Variants in MAGI1 observed in about 807,000 individuals in gnomAD.
MAGI1 encodes the protein membrane-associated guanylate kinase, WW and PDZ domain-containing protein 1.
In MAGI1, 58 loss-of-function variants were observed where a neutral mutation model predicts 139.9. The observed-to-expected ratio is 0.41, with a 90% CI of 0.34 to 0.52. The LOEUF is 0.52. Ranked by LOEUF, MAGI1 falls within the 20% of genes least tolerant of loss-of-function variation. The probability of loss-of-function intolerance (pLI) is 0.12; values close to 1 mark genes in which losing one functional copy is unlikely to be tolerated. For synonymous variants in MAGI1, 812 were observed against 737.9 expected (o/e 1.10, Z -1.63); for missense variants, 1,874 against 1,901.6 (o/e 0.99, Z 0.27).
chr3:65,659,465 A>ATT (rs2086069644), intron 1 of MAGI1, among the ~76,000 whole-genome samples: 1 of 152,116 alleles, frequency 6.6e-6, no homozygotes, highest in African/African-American at 2.4e-5. Flanking sequence ...ATACTAAACC[A>ATT]CACACTCACC....
intron 13 of MAGI1, among the ~76,000 whole-genome samples, 164 bp from the exon 14 acceptor site, chr3:65,391,522 TC>T (rs1211514729): frequency 5.9e-5 from 9 of 152,114 alleles, no homozygotes; most frequent in African/African-American, 2.2e-4. Flanking sequence ...TGTAGATAAA[TC>T]CCCAGGTGAC....
intron 2 of MAGI1, among the ~76,000 whole-genome samples, chr3:65,618,002 G>T (rs1311723086): frequency 6.6e-6 from 1 of 152,206 alleles, no homozygotes; most frequent in Non-Finnish European, 1.5e-5. Flanking sequence ...GCAGCTTGGG[G>T]AGTAGGGGGA....
chr3:65,394,000 G>A (rs1157342730), intron 13 of MAGI1, among the ~76,000 whole-genome samples: 1 of 152,074 alleles, frequency 6.6e-6, no homozygotes, highest in Non-Finnish European at 1.5e-5. Context: ...TAAAAGTACT[G>A]GACCTGTCTC....
intron 2 of MAGI1, among the ~76,000 whole-genome samples, chr3:65,528,255 T>C (rs1324967145): frequency 6.6e-6 from 1 of 152,238 alleles, no homozygotes; most frequent in East Asian, 1.9e-4. Context: ...CAAATTGATA[T>C]AACATTGCAA....
At chr3:65,712,138 A>G (rs1481936992) in intron 1 of MAGI1, among the ~76,000 whole-genome samples, 1 of 152,192 alleles carries the variant, frequency 6.6e-6, no homozygotes, top group Non-Finnish European at 1.5e-5. Flanking sequence ...GGTAGGGTCC[A>G]TGTGCCCTTC....
chr3:65,552,764 G>A (rs1442517893), intron 2 of MAGI1, among the ~76,000 whole-genome samples: 1 of 152,194 alleles, frequency 6.6e-6, no homozygotes. Context: ...ACAGAGGGAA[G>A]TTTAGGAAAT....
chr3:65,473,737 T>C (rs1176664225), intron 4 of MAGI1, among the ~76,000 whole-genome samples: 1 of 137,404 alleles, frequency 7.3e-6, no homozygotes, highest in African/African-American at 2.4e-5. Flanking sequence ...TAATTTTAAT[T>C]TCCTGGAGGA....
intron 1 of MAGI1, among the ~76,000 whole-genome samples, chr3:65,623,252 G>GGTTGTTGTTGTT (rs55663245): frequency 1.3e-5 from 2 of 151,752 alleles, no homozygotes; most frequent in South Asian, 2.1e-4. Flanking sequence ...GTTGCTTTTT[G>GGTTGTTGTTGTT]GTTGTTGTTG....
chr3:65,554,854 T>C (rs985724734), intron 2 of MAGI1, among the ~76,000 whole-genome samples: 15 of 152,314 alleles, frequency 9.8e-5, no homozygotes, highest in East Asian at 3.9e-4. Flanking sequence ...ACTGTCTCCA[T>C]TGGAGACATG....
At chr3:65,724,709 C>A (rs2033410898) in intron 1 of MAGI1, among the ~76,000 whole-genome samples, 1 of 152,146 alleles carries the variant, frequency 6.6e-6, no homozygotes, top group South Asian at 2.1e-4. Flanking sequence ...TTAAGCAAGA[C>A]TTGGGAGGCC....
At chr3:65,916,560 A>G (rs1335231469) in intron 1 of MAGI1, among the ~76,000 whole-genome samples, 2 of 152,132 alleles carry the variant, frequency 1.3e-5, no homozygotes, top group East Asian at 3.8e-4. Context: ...TTTCACTACC[A>G]CAAGAACAGA....
At chr3:65,449,518 T>C (rs918997005) in intron 6 of MAGI1, among the ~76,000 whole-genome samples, 2 of 152,154 alleles carry the variant, frequency 1.3e-5, no homozygotes, top group Non-Finnish European at 2.9e-5. Context: ...CTCATGCCTG[T>C]AATCCTAGCA....
At chr3:65,906,913 C>A (rs1410573228) in intron 1 of MAGI1, among the ~76,000 whole-genome samples, 3 of 151,508 alleles carry the variant, frequency 2.0e-5, no homozygotes, top group Non-Finnish European at 4.4e-5. Context: ...CTACAGACAT[C>A]CTAGTAAATT....
At chr3:66,022,243 C>T (rs776977185) in intron 1 of MAGI1, among the ~76,000 whole-genome samples, 2 of 152,108 alleles carry the variant, frequency 1.3e-5, no homozygotes, top group Non-Finnish European at 2.9e-5. Flanking sequence ...GCTAAAATGT[C>T]GCAGAAACAA....
At chr3:65,855,489 C>T (rs1238484569) in intron 1 of MAGI1, among the ~76,000 whole-genome samples, 1 of 145,636 alleles carries the variant, frequency 6.9e-6, no homozygotes, top group Non-Finnish European at 1.5e-5. Context: ...GTAATCCTAA[C>T]TACTCAGAGA....
chr3:65,543,889 C>T (rs966632200), intron 2 of MAGI1, among the ~76,000 whole-genome samples: 1 of 152,030 alleles, frequency 6.6e-6, no homozygotes, highest in Non-Finnish European at 1.5e-5. Flanking sequence ...TATCCCAGAA[C>T]TTACAAGTAT....
At position 65,392,981 on chromosome 3, in the gene MAGI1, G is replaced by A. The variant is rs1944056241; in HGVS notation, c.2200-1623C>T. 2.0e-5 allele frequency among the ~76,000 whole-genome samples: 3 copies of A among 152,208 alleles called. No homozygotes were observed. The East Asian group carries it at 5.8e-4, about 29-fold the overall frequency. On this transcript the variant is annotated intron_variant, in intron 13 of 22. Coordinates refer to ENST00000402939, the MANE Select transcript of MAGI1 (RefSeq NM_001033057.2). Reference sequence around the variant, plus strand: ...GAGGCTTAATTCACTTCAATTCAAGGGGAAAAACATACACTGTTGCAGATG... The same window carrying A: ...GAGGCTTAATTCACTTCAATTCAAGAGGAAAAACATACACTGTTGCAGATG...
intron 12 of MAGI1, among the ~76,000 whole-genome samples, chr3:65,422,207 G>A (rs1946677266): frequency 6.6e-6 from 1 of 152,194 alleles, no homozygotes; most frequent in Non-Finnish European, 1.5e-5. Flanking sequence ...CAGATGGACT[G>A]AGAAACTGAA....
intron 1 of MAGI1, among the ~76,000 whole-genome samples, chr3:65,801,326 C>T (rs1361128023): frequency 6.6e-6 from 1 of 152,182 alleles, no homozygotes; most frequent in Non-Finnish European, 1.5e-5. Flanking sequence ...AAGGAAAGGT[C>T]TGATGAGGGA....
Sources: gnomAD v4.1 joint callset for allele counts (sites outside exome capture counted in the v4.1 genomes callset) on GRCh38, gnomAD v4.1.1 for gene constraint, MANE v1.5 for transcripts, NCBI Gene and HGNC (gene_info 2026-07-23, HGNC 2026-07-21) for gene names.